IKZF3: variants seen among roughly 807,000 people sequenced by gnomAD.
IKZF3 encodes IKAROS family zinc finger 3.
In IKZF3, 10 loss-of-function variants were observed where a neutral mutation model predicts 49.0. The ratio of observed to expected loss-of-function variants is 0.20; its 90% CI spans 0.13 to 0.35. IKZF3 has a LOEUF of 0.35. Ranked by LOEUF, IKZF3 falls within the 10% of genes least tolerant of loss-of-function variation. IKZF3 has a pLI of 1.00. For missense variants in IKZF3, 498 were observed against 664.8 expected (o/e 0.75, Z 2.76); for synonymous variants, 209 against 228.2 (o/e 0.92, Z 0.76).
intron 3 of IKZF3, among the ~76,000 whole-genome samples, chr17:39,797,026 G>A (rs1221686012): frequency 6.6e-5 from 10 of 151,654 alleles, no homozygotes; most frequent in East Asian, 2.0e-4. Context: ...TTAGCCAGGC[G>A]TGGTGGTGTG....
chr17:39,817,822 G>A (rs1454284242), intron 3 of IKZF3, among the ~76,000 whole-genome samples: 1 of 152,186 alleles, frequency 6.6e-6, no homozygotes, highest in African/African-American at 2.4e-5. Context: ...AAGTGCCAGT[G>A]TTAATAGTAC....
intron 7 of IKZF3, among the ~76,000 whole-genome samples, chr17:39,771,501 G>C (rs1375991628): frequency 6.6e-6 from 1 of 152,188 alleles, no homozygotes; most frequent in Admixed American, 6.5e-5. Flanking sequence ...AAAACATAGA[G>C]TAGCCAAGAG....
At chr17:39,850,465 A>G (rs1157514659) in intron 1 of IKZF3, among the ~76,000 whole-genome samples, 4 of 134,062 alleles carry the variant, frequency 3.0e-5, no homozygotes, top group Admixed American at 1.6e-4. Context: ...AGCATATTAT[A>G]CATGTACATA....
At chr17:39,813,094 T>C (rs1222514789) in intron 3 of IKZF3, among the ~76,000 whole-genome samples, 1 of 134,088 alleles carries the variant, frequency 7.5e-6, no homozygotes, top group East Asian at 2.2e-4. Context: ...AGGGCAAGAC[T>C]CCATCTCAAA....
At chr17:39,831,099 TG>T (rs1474261874) in intron 2 of IKZF3, among the ~76,000 whole-genome samples, 1 of 152,170 alleles carries the variant, frequency 6.6e-6, no homozygotes, top group African/African-American at 2.4e-5. Context: ...AAGATGTGAT[TG>T]GCCGGGTGCG....
intron 5 of IKZF3, among the ~76,000 whole-genome samples, chr17:39,790,206 G>A (rs1195957617): frequency 6.6e-6 from 1 of 152,062 alleles, no homozygotes; most frequent in Non-Finnish European, 1.5e-5. Flanking sequence ...AGATCCTTAT[G>A]GAATCCTAAA....
chr17:39,859,199 T>G (rs1438043837), intron 1 of IKZF3, among the ~76,000 whole-genome samples: 8 of 151,970 alleles, frequency 5.3e-5, no homozygotes, highest in Non-Finnish European at 1.0e-4. Context: ...AAAAATAACC[T>G]CATTCAGAAT....
chr17:39,788,603 T>G (rs952073893), intron 5 of IKZF3, among the ~76,000 whole-genome samples: 1 of 152,232 alleles, frequency 6.6e-6, no homozygotes. Context: ...CTATCACAAA[T>G]GGAAGAATTT....
intron 3 of IKZF3, among the ~76,000 whole-genome samples, chr17:39,793,735 G>A (rs2061090217): frequency 6.6e-6 from 1 of 152,186 alleles, no homozygotes; most frequent in Non-Finnish European, 1.5e-5. Flanking sequence ...GGAGAGGAGG[G>A]ACTGGCTCAA....
chr17:39,805,075 T>C (rs1287970439), intron 3 of IKZF3, among the ~76,000 whole-genome samples: 1 of 152,194 alleles, frequency 6.6e-6, no homozygotes, highest in Non-Finnish European at 1.5e-5. Context: ...TCCCATTTCT[T>C]CTCCGCTTTT....
At chr17:39,785,631 A>G (rs1333027559) in intron 6 of IKZF3, among the ~76,000 whole-genome samples, 1 of 152,190 alleles carries the variant, frequency 6.6e-6, no homozygotes, top group Non-Finnish European at 1.5e-5. Flanking sequence ...TATAGAGTGT[A>G]GTTTTCTGAT....
chr17:39,831,182 G>T (rs753610531), intron 2 of IKZF3, among the ~76,000 whole-genome samples: 29 of 152,060 alleles, frequency 1.9e-4, no homozygotes, highest in Non-Finnish European at 2.4e-4. Flanking sequence ...GGGAGTTCGA[G>T]ACCAGCCTGA....
In IKZF3 at chr17:39,764,065, G is replaced by C. The variant is rs1384731260; in HGVS notation, c.*1725C>G. ...AGACAGGGTTTCACCATGTGGGTCA[G>C]GCTGGTCTCGAACTCCTGACCTCAA... On this transcript the variant is annotated 3_prime_UTR_variant, in exon 8 of 8. Transcript: ENST00000346872. 6.6e-6 allele frequency: 1 copy of C among 152,152 alleles called. No individual in the cohort carries two copies. The highest frequency in any genetic ancestry group is 1.5e-5 in the Non-Finnish European group (1 of 68,052). The allele number at this position is 152,152 out of a possible 1,614,324, so 9.4% of individuals were successfully genotyped here. A position where few individuals can be genotyped will look rare whatever the true frequency, so the allele number is the denominator to read the frequency against.
intron 6 of IKZF3, among the ~76,000 whole-genome samples, chr17:39,783,563 G>A (rs1266595129): frequency 3.3e-5 from 5 of 152,102 alleles, no homozygotes; most frequent in Admixed American, 6.6e-5. Context: ...CTCGCGATCC[G>A]CCCACCTCAG....
chr17:39,817,385 G>A (rs968284807), intron 3 of IKZF3, among the ~76,000 whole-genome samples: 1 of 152,094 alleles, frequency 6.6e-6, no homozygotes, highest in Non-Finnish European at 1.5e-5. Context: ...TTATTACATT[G>A]TAGCTAAATT....
chr17:39,853,541 T>A (rs560046421), intron 1 of IKZF3, among the ~76,000 whole-genome samples: 27 of 152,202 alleles, frequency 1.8e-4, no homozygotes, highest in Admixed American at 3.9e-4. Flanking sequence ...TTTTTTATTT[T>A]AAAAAAATAA....
chr17:39,788,370 C>A lies in IKZF3; in HGVS notation c.597G>T (p.Glu199Asp), dbSNP rs200602385. The change falls in exon 6 of 8, where the codon GAG (glutamate) becomes GAT (aspartate). Residue 199 changes from glutamate to aspartate, a missense_variant. Physicochemically the swap from Glu to Asp is conservative, Grantham distance 45. Transcript: ENST00000346872. ...LTGHLRTHSV[E>D]KPYKCEFCGR... ...CACAAAACTCACATTTGTAGGGTTT[C>A]TCCACTAGAAGGAGAACATAAGGGG... 34 of 1,610,260 alleles carry A rather than the reference C, an allele frequency of 2.1e-5. No homozygotes were observed. The highest frequency in any genetic ancestry group is 2.9e-5 in the Non-Finnish European group (34 of 1,176,730).
intron 1 of IKZF3, among the ~76,000 whole-genome samples, chr17:39,839,037 C>T (rs1302378916): frequency 6.6e-6 from 1 of 152,056 alleles, no homozygotes; most frequent in African/African-American, 2.4e-5. Flanking sequence ...CACTATGTTG[C>T]CCAGGCTTGT....
At chr17:39,795,676 G>A (rs761907175) in intron 3 of IKZF3, among the ~76,000 whole-genome samples, 1 of 151,354 alleles carries the variant, frequency 6.6e-6, no homozygotes, top group African/African-American at 2.4e-5. Flanking sequence ...CAAAGTGCTG[G>A]GATTACAGGC....
Sources: allele counts gnomAD v4.1 joint callset (sites outside exome capture counted in the v4.1 genomes callset), GRCh38; gene constraint gnomAD v4.1.1; transcripts MANE v1.5; gene names NCBI Gene and HGNC (gene_info 2026-07-23, HGNC 2026-07-21).